FHIT: variants seen among roughly 807,000 people sequenced by gnomAD.
FHIT encodes the protein fragile histidine triad diadenosine triphosphatase, also known as bis(5'-adenosyl)-triphosphatase.
In FHIT, 19 loss-of-function variants were observed where a neutral mutation model predicts 17.9. The ratio of observed to expected loss-of-function variants is 1.06; its 90% CI spans 0.74 to 1.56. The LOEUF (loss-of-function observed/expected upper bound fraction) is 1.56, where lower values mean the gene tolerates loss of function less well. Ranked by LOEUF, FHIT falls within the 40% of genes most tolerant of loss-of-function variation. The pLI is 0.00. For synonymous variants in FHIT, 81 were observed against 69.7 expected (o/e 1.16, Z -0.81); for missense variants, 248 against 189.2 (o/e 1.31, Z -1.82).
intron 2 of FHIT, among the ~76,000 whole-genome samples, chr3:61,187,420 G>A (rs1223387512): frequency 6.6e-6 from 1 of 152,070 alleles, no homozygotes; most frequent in Admixed American, 6.5e-5. Context: ...GGAGCACCCA[G>A]ATTCATAAAG....
intron 5 of FHIT, among the ~76,000 whole-genome samples, chr3:60,219,149 C>T (rs533178060): frequency 1.8e-4 from 27 of 152,214 alleles, no homozygotes; most frequent in Non-Finnish European, 3.5e-4. Flanking sequence ...TATCTAATTT[C>T]CTACTGCATC....
chr3:60,325,523 G>C (rs1166651110), intron 5 of FHIT, among the ~76,000 whole-genome samples: 1 of 152,068 alleles, frequency 6.6e-6, no homozygotes, highest in African/African-American at 2.4e-5. Flanking sequence ...CAATAATCTA[G>C]CATCTAGAAA....
chr3:60,197,748 T>G (rs1302890529), intron 5 of FHIT, among the ~76,000 whole-genome samples: 5 of 152,172 alleles, frequency 3.3e-5, no homozygotes, highest in Non-Finnish European at 1.5e-5. Context: ...GAAAAACCTT[T>G]GTACATTTCT....
chr3:60,143,888 A>T (rs1700132208), intron 5 of FHIT, among the ~76,000 whole-genome samples: 2 of 152,170 alleles, frequency 1.3e-5, no homozygotes, highest in African/African-American at 4.8e-5. Flanking sequence ...GCCTCCAAAT[A>T]CAGGCCATAC....
intron 2 of FHIT, among the ~76,000 whole-genome samples, chr3:61,112,361 G>T (rs2036185066): frequency 6.6e-6 from 1 of 151,622 alleles, no homozygotes; most frequent in African/African-American, 2.4e-5. Flanking sequence ...GGCGGCCCCA[G>T]TTTCAAGTTC....
chr3:60,642,996 G>C (rs1381475813), intron 4 of FHIT, among the ~76,000 whole-genome samples: 2 of 152,102 alleles, frequency 1.3e-5, no homozygotes, highest in Non-Finnish European at 2.9e-5. Context: ...CACAGTTTTT[G>C]GTATGGCTGT....
chr3:60,126,638 T>C (rs1257189316), intron 5 of FHIT, among the ~76,000 whole-genome samples: 2 of 152,152 alleles, frequency 1.3e-5, no homozygotes, highest in African/African-American at 4.8e-5. Context: ...AGAATTTGAT[T>C]CACAACAGAA....
intron 4 of FHIT, among the ~76,000 whole-genome samples, chr3:60,710,669 G>A (rs1249256073): frequency 1.3e-5 from 2 of 152,166 alleles, no homozygotes; most frequent in Non-Finnish European, 2.9e-5. Flanking sequence ...CTCACTGATT[G>A]CTAGCACAGC....
At chr3:61,093,150 GTT>G in intron 2 of FHIT, among the ~76,000 whole-genome samples, 1 of 152,292 alleles carries the variant, frequency 6.6e-6, no homozygotes, top group Non-Finnish European at 1.5e-5. Flanking sequence ...GTGGTGGGAT[GTT>G]TTGAGGACTT....
rs543217385 is a variant in FHIT, at chr3:60,652,600, G to T, written c.-17-115621C>A. On this transcript the variant is annotated intron_variant, in intron 4 of 9. Coordinates refer to ENST00000492590, the MANE Select transcript of FHIT (RefSeq NM_002012.4). ...TACAATTAGTCAGGTGTGGTGGCAG[G>T]CACCTGTAGTCTCAGCTACTTGGGA... 1.9e-4 allele frequency among the ~76,000 whole-genome samples: 29 copies of T among 152,164 alleles called. No homozygotes were observed. The South Asian group carries it at 4.8e-3, about 25-fold the overall frequency.
intron 5 of FHIT, among the ~76,000 whole-genome samples, chr3:60,258,420 G>A (rs1316706915): frequency 6.6e-6 from 1 of 152,018 alleles, no homozygotes; most frequent in Non-Finnish European, 1.5e-5. Context: ...CATAATTAAT[G>A]CTCTCCCTGT....
intron 4 of FHIT, among the ~76,000 whole-genome samples, chr3:60,714,915 A>G (rs180853320): frequency 0.019 from 2,847 of 152,312 alleles, 104 homozygotes; most frequent in African/African-American, 0.064. Flanking sequence ...GTCTTTCTTC[A>G]CGGAATTGGA....
chr3:60,301,573 T>A (rs921530438), intron 5 of FHIT, among the ~76,000 whole-genome samples: 1 of 152,166 alleles, frequency 6.6e-6, no homozygotes, highest in African/African-American at 2.4e-5. Flanking sequence ...AACCTTCTCC[T>A]ACCCTTCTCC....
At chr3:59,871,991 T>A (rs1272688827) in intron 8 of FHIT, among the ~76,000 whole-genome samples, 1 of 152,234 alleles carries the variant, frequency 6.6e-6, no homozygotes, top group Non-Finnish European at 1.5e-5. Flanking sequence ...ACCAAGGTGA[T>A]ACAAAGTTTC....
chr3:60,359,372 C>G (rs1699808091), intron 5 of FHIT, among the ~76,000 whole-genome samples: 1 of 149,744 alleles, frequency 6.7e-6, no homozygotes, highest in Admixed American at 6.7e-5. Flanking sequence ...CCTCCGCCTC[C>G]TGGGTTCAAG....
At chr3:59,752,893 G>A (rs771726253) in intron 8 of FHIT, among the ~76,000 whole-genome samples, 6 of 152,104 alleles carry the variant, frequency 3.9e-5, no homozygotes, top group South Asian at 2.1e-4. Context: ...ACCCAGCCCC[G>A]GGTAGTTCCT....
intron 4 of FHIT, among the ~76,000 whole-genome samples, chr3:60,773,430 T>C (rs1225015641): frequency 3.9e-5 from 6 of 152,240 alleles, no homozygotes; most frequent in African/African-American, 1.4e-4. Flanking sequence ...TAATGAAACA[T>C]TCCTTGTTCA....
intron 4 of FHIT, among the ~76,000 whole-genome samples, chr3:60,731,404 G>A (rs1007320136): frequency 1.3e-5 from 2 of 152,162 alleles, no homozygotes; most frequent in Non-Finnish European, 2.9e-5. Context: ...ACTTGGAGGA[G>A]GGCCAAGTGA....
chr3:59,975,286 T>G (rs777767426), intron 7 of FHIT, among the ~76,000 whole-genome samples: 1 of 152,052 alleles, frequency 6.6e-6, no homozygotes, highest in African/African-American at 2.4e-5. Flanking sequence ...ATAACCTAAG[T>G]CCCAAACCTT....
Sources: gnomAD v4.1 joint callset for allele counts (sites outside exome capture counted in the v4.1 genomes callset) on GRCh38, gnomAD v4.1.1 for gene constraint, MANE v1.5 for transcripts, NCBI Gene and HGNC (gene_info 2026-07-23, HGNC 2026-07-21) for gene names.